GPHN: variants seen among roughly 807,000 people sequenced by gnomAD.
GPHN encodes gephyrin.
In GPHN, 17 loss-of-function variants were observed where a neutral mutation model predicts 95.5. The observed-to-expected ratio is 0.18, with a 90% CI of 0.12 to 0.27. GPHN has a LOEUF of 0.27. GPHN is among the 10% of genes least tolerant of loss of function. GPHN has a pLI of 1.00. For missense variants in GPHN, 660 were observed against 978.1 expected (o/e 0.67, Z 4.34); for synonymous variants, 320 against 322.5 (o/e 0.99, Z 0.08).
chr14:67,586,703 A>C, the GPHN span: 1 of 748,334 alleles, frequency 1.3e-6, no homozygotes, highest in Non-Finnish European at 1.9e-6. Flanking sequence ...CTCCTTTTTA[A>C]TCCTAAAGTT....
At chr14:66,885,348 T>C (rs2064135012) in intron 5 of GPHN, among the ~76,000 whole-genome samples, 1 of 152,142 alleles carries the variant, frequency 6.6e-6, no homozygotes, top group African/African-American at 2.4e-5. Flanking sequence ...GCTTATGGCT[T>C]ACTGGAAAAG....
chr14:67,668,340 A>G, the GPHN span, among the ~76,000 whole-genome samples: 1 of 152,252 alleles, frequency 6.6e-6, no homozygotes, highest in Non-Finnish European at 1.5e-5. Flanking sequence ...TTAATGAAAT[A>G]TTAAATGGAT....
chr14:66,990,104 A>G (rs923756367), intron 9 of GPHN, among the ~76,000 whole-genome samples: 2 of 152,184 alleles, frequency 1.3e-5, no homozygotes, highest in Non-Finnish European at 2.9e-5. Flanking sequence ...TGAAGGGGAA[A>G]CAAGGTACGT....
chr14:67,653,621 A>G, the GPHN span: 1 of 779,334 alleles, frequency 1.3e-6, no homozygotes, highest in Non-Finnish European at 2.1e-6. Flanking sequence ...AATCAAGCCA[A>G]TTTAAATGAT....
At chr14:66,872,482 T>C (rs1233966639) in intron 4 of GPHN, among the ~76,000 whole-genome samples, 1 of 152,194 alleles carries the variant, frequency 6.6e-6, no homozygotes, top group Non-Finnish European at 1.5e-5. Context: ...AATATATACC[T>C]ATTTTGATTG....
At chr14:67,481,783 T>C in the GPHN span, among the ~76,000 whole-genome samples, 1 of 152,064 alleles carries the variant, frequency 6.6e-6, no homozygotes, top group Non-Finnish European at 1.5e-5. Flanking sequence ...CTCCTTCCAC[T>C]AGCTCCTTGC....
chr14:67,425,822 G>A, the GPHN span, among the ~76,000 whole-genome samples: 13 of 152,004 alleles, frequency 8.6e-5, no homozygotes, highest in Non-Finnish European at 1.8e-4. Context: ...AGCGGTGGGC[G>A]TGTCTCTGCT....
chr14:66,830,027 A>G (rs2153498141), intron 4 of GPHN, among the ~76,000 whole-genome samples: 1 of 152,322 alleles, frequency 6.6e-6, no homozygotes, highest in East Asian at 1.9e-4. Context: ...TTTTATTGGA[A>G]CAAAGCTACA....
the GPHN span, among the ~76,000 whole-genome samples, chr14:67,440,908 T>G: frequency 0.1 from 15,937 of 152,086 alleles, 2,106 homozygotes; most frequent in African/African-American, 0.3. Context: ...GAAAGAAGGC[T>G]AAATATTGAT....
chr14:66,551,962 G>A (rs1417182753), intron 1 of GPHN, among the ~76,000 whole-genome samples: 1 of 152,130 alleles, frequency 6.6e-6, no homozygotes, highest in Non-Finnish European at 1.5e-5. Context: ...AATCAAAACC[G>A]TATCAGCACC....
intron 17 of GPHN, among the ~76,000 whole-genome samples, chr14:67,134,450 T>C (rs2079914751): frequency 6.6e-6 from 1 of 152,248 alleles, no homozygotes; most frequent in South Asian, 2.1e-4. Flanking sequence ...TGTTTAGCAG[T>C]ATCTTTTCTT....
In GPHN at chr14:66,679,683, C is replaced by A. The variant is rs575821457; in HGVS notation, c.65-1424C>A. On this transcript the variant is annotated intron_variant, in intron 1 of 22. Transcript: ENST00000478722. The stretch of plus-strand genomic sequence containing the variant: ...TTTCCTGCTGACCTATATTCAAATT[C>A]ACTAATCTGTGCTTTGCTGTATTCA... Among the ~76,000 whole-genome samples the A allele has an allele frequency of 4.6e-5, 7 of 152,272 alleles. No individual in the cohort carries two copies. The South Asian group carries it at 1.5e-3, about 32-fold the overall frequency.
At chr14:67,356,362 A>T in the GPHN span, among the ~76,000 whole-genome samples, 1 of 151,788 alleles carries the variant, frequency 6.6e-6, no homozygotes. Flanking sequence ...CAGAGGTTGC[A>T]GTGAGCCAAG....
chr14:66,650,791 C>G (rs1461259540), intron 1 of GPHN, among the ~76,000 whole-genome samples: 1 of 152,128 alleles, frequency 6.6e-6, no homozygotes, highest in African/African-American at 2.4e-5. Flanking sequence ...CGAAACTGGT[C>G]ATTTTCTGTC....
At chr14:67,222,464 G>C in the GPHN span, among the ~76,000 whole-genome samples, 1 of 152,012 alleles carries the variant, frequency 6.6e-6, no homozygotes, top group Admixed American at 6.6e-5. Context: ...ACTAAATTTT[G>C]TATTTTTCAC....
intron 2 of GPHN, among the ~76,000 whole-genome samples, chr14:66,771,207 G>C (rs28624837): frequency 0.32 from 48,958 of 151,930 alleles, 12,425 homozygotes; most frequent in African/African-American, 0.68. Context: ...TCTAGTAATT[G>C]AACTGTGATA....
intron 2 of GPHN, among the ~76,000 whole-genome samples, chr14:66,704,113 G>T (rs1036681799): frequency 6.6e-5 from 10 of 152,054 alleles, no homozygotes; most frequent in Non-Finnish European, 1.3e-4. Flanking sequence ...TCAACAAGAA[G>T]AGCTGACTAT....
intron 4 of GPHN, 82 bp from the exon 5 acceptor site, chr14:66,879,857 A>G: frequency 4.6e-6 from 4 of 870,034 alleles, no homozygotes; most frequent in Non-Finnish European, 7.8e-6. Flanking sequence ...GTTTATAATC[A>G]TTTTTAAGTG....
intron 1 of GPHN, among the ~76,000 whole-genome samples, chr14:66,567,257 G>A (rs1237528595): frequency 1.3e-5 from 2 of 152,182 alleles, no homozygotes; most frequent in Non-Finnish European, 2.9e-5. Context: ...GGCATTATCA[G>A]TCTTAGGTCT....
Sources: gnomAD v4.1 joint callset for allele counts (sites outside exome capture counted in the v4.1 genomes callset) on GRCh38, gnomAD v4.1.1 for gene constraint, MANE v1.5 for transcripts, NCBI Gene and HGNC (gene_info 2026-07-23, HGNC 2026-07-21) for gene names.